Variants in CELF4 observed in about 807,000 individuals in gnomAD.
CELF4 encodes the protein CUGBP Elav-like family member 4.
A neutral mutation model predicts 59.9 loss-of-function variants in CELF4; 18 were observed. That is an observed-to-expected ratio of 0.30 (90% CI 0.21 to 0.45). The LOEUF (loss-of-function observed/expected upper bound fraction) is 0.45. Among genes scored for constraint, CELF4 ranks in the 20% least tolerant of loss-of-function variants. The pLI, the probability that CELF4 is intolerant of heterozygous loss-of-function variation, is 1.00. For missense variants in CELF4, 456 were observed against 689.0 expected, an observed-to-expected ratio of 0.66 and a Z score of 3.79; for synonymous variants, 261 against 267.1, an observed-to-expected ratio of 0.98 and a Z score of 0.22.
chr18:37,461,180 T>A (rs1051846337), intron 2 of CELF4, among the ~76,000 whole-genome samples: 19 of 152,196 alleles, frequency 1.2e-4, no homozygotes, highest in African/African-American at 4.3e-4. Flanking sequence ...CCCCATTGAG[T>A]CCTATGGGAG....
Position 37,406,445 on chromosome 18 carries a change from C to G in CELF4, c.369+79080G>C, listed in dbSNP as rs578085948. 2.0e-5 allele frequency among the ~76,000 whole-genome samples: 3 copies of G among 152,186 alleles called. No individual in the cohort carries two copies. The East Asian group carries it at 5.8e-4, about 29-fold the overall frequency. ...TCCCTATCCATCTGGTTTAGGCTGA[C>G]GGTCCTGCGCTATGGGCTTGCTGGA... is the stretch of plus-strand genomic sequence containing the variant. On this transcript the variant is annotated intron_variant, in intron 2 of 12. Coordinates refer to ENST00000420428, the MANE Select transcript of CELF4 (RefSeq NM_020180.4).
chr18:37,563,269 T>C (rs2099987129), intron 1 of CELF4, among the ~76,000 whole-genome samples: 1 of 152,090 alleles, frequency 6.6e-6, no homozygotes, highest in African/African-American at 2.4e-5. Context: ...TTATCTTCAT[T>C]TGAAATGAAG....
At chr18:37,258,312 C>T (rs541487611) in intron 11 of CELF4, among the ~76,000 whole-genome samples, 13 of 151,286 alleles carry the variant, frequency 8.6e-5, no homozygotes, top group South Asian at 8.5e-4. Flanking sequence ...CACACCCCCG[C>T]GCCTGGTCTC....
At chr18:37,267,126 A>T (rs2078053451) in intron 8 of CELF4, among the ~76,000 whole-genome samples, 2 of 152,202 alleles carry the variant, frequency 1.3e-5, no homozygotes. Flanking sequence ...CCAGGCATGG[A>T]GGTCTTCCAC....
At chr18:37,540,835 G>A (rs1262450252) in intron 1 of CELF4, among the ~76,000 whole-genome samples, 1 of 152,220 alleles carries the variant, frequency 6.6e-6, no homozygotes, top group African/African-American at 2.4e-5. Context: ...GTGAGATGGT[G>A]CAGGACAATT....
At chr18:37,510,012 G>A (rs946635540) in intron 1 of CELF4, among the ~76,000 whole-genome samples, 1 of 152,200 alleles carries the variant, frequency 6.6e-6, no homozygotes, top group African/African-American at 2.4e-5. Context: ...GAGGAGGTAG[G>A]AATGGGGTAT....
rs201203763 is a variant in CELF4 at position 37,553,198 on chromosome 18, TA to T, written c.286+12157del. Among the ~76,000 whole-genome samples, 298 of 152,130 alleles carry T rather than the reference TA, an allele frequency of 2.0e-3. 1 individual carries two copies. The East Asian group carries it at 0.031, about 16-fold the overall frequency. On this transcript the variant is annotated intron_variant, in intron 1 of 12. Coordinates refer to ENST00000420428, the MANE Select transcript of CELF4 (RefSeq NM_020180.4). Reference sequence around the variant, plus strand: ...TTTTTCAATAAAAAGATTTTTTTTTTAAAATTGGATAAGAAAATGAGCCTGA... The same window carrying T: ...TTTTTCAATAAAAAGATTTTTTTTTTAAATTGGATAAGAAAATGAGCCTGA...
chr18:37,430,195 T>A (rs2099639958), intron 2 of CELF4, among the ~76,000 whole-genome samples: 1 of 152,100 alleles, frequency 6.6e-6, no homozygotes, highest in African/African-American at 2.4e-5. Context: ...TCCTGCCCAG[T>A]CCCATGCCTC....
At chr18:37,416,028 GAAGGTGGCAAAACAGCA>G (rs904630995) in intron 2 of CELF4, among the ~76,000 whole-genome samples, 15 of 152,204 alleles carry the variant, frequency 9.9e-5, no homozygotes, top group African/African-American at 1.2e-4. Context: ...GTATCTTTCA[GAAGGTGGCAAAACAGCA>G]AAGGGTGGTG....
intron 2 of CELF4, among the ~76,000 whole-genome samples, chr18:37,340,202 A>C (rs610846): frequency 0.89 from 136,200 of 152,296 alleles, 61,105 homozygotes; most frequent in East Asian, 0.97. Flanking sequence ...GCAGCCAACA[A>C]CCAGGCTGGG....
chr18:37,365,737 T>G (rs541739183), intron 2 of CELF4, among the ~76,000 whole-genome samples: 2 of 152,152 alleles, frequency 1.3e-5, no homozygotes, highest in East Asian at 3.9e-4. Flanking sequence ...CCGCCCGCCT[T>G]GGCCTCCCAA....
At chr18:37,312,226 T>G (rs2096698563) in intron 3 of CELF4, among the ~76,000 whole-genome samples, 1 of 143,494 alleles carries the variant, frequency 7.0e-6, no homozygotes, top group Non-Finnish European at 1.5e-5. Context: ...TGGCTGGAAA[T>G]GCTAAAGCAA....
intron 2 of CELF4, among the ~76,000 whole-genome samples, chr18:37,367,985 G>A (rs2098808540): frequency 6.6e-6 from 1 of 152,054 alleles, no homozygotes; most frequent in African/African-American, 2.4e-5. Context: ...CTGAGAGGAG[G>A]CGGCATGGTG....
chr18:37,404,885 C>T lies in CELF4; in HGVS notation c.369+80640G>A, dbSNP rs964422639. Among the ~76,000 whole-genome samples the T allele has an allele frequency of 4.6e-5, 7 of 152,244 alleles. No homozygotes were observed. The East Asian group carries it at 1.2e-3, about 25-fold the overall frequency. Reference sequence around the variant, plus strand: ...GGGTTAAGCACTGCCCATCCCTTGTCGCATGCTTTTCCTTGCCTCAGCATT... The same window carrying T: ...GGGTTAAGCACTGCCCATCCCTTGTTGCATGCTTTTCCTTGCCTCAGCATT... On this transcript the variant is annotated intron_variant, in intron 2 of 12. Coordinates refer to ENST00000420428, the MANE Select transcript of CELF4 (RefSeq NM_020180.4).
At chr18:37,364,387 C>T (rs1401649923) in intron 2 of CELF4, among the ~76,000 whole-genome samples, 1 of 152,210 alleles carries the variant, frequency 6.6e-6, no homozygotes, top group Non-Finnish European at 1.5e-5. Context: ...GGCCCCATTC[C>T]CAGCCTGGGC....
In CELF4 at chr18:37,286,702, C is replaced by A. The variant is rs145746131; in HGVS notation, c.449-11459G>T. 2.9e-4 allele frequency among the ~76,000 whole-genome samples: 44 copies of A among 152,292 alleles called. 1 individual carries two copies. The East Asian group carries it at 8.3e-3, about 29-fold the overall frequency. ...CAGCATCCTCCTTACTTGTCTAACC[C>A]GGGAGGAGTCACACTGGAATGAAGA... On this transcript the variant is annotated intron_variant, in intron 3 of 12. Coordinates refer to ENST00000420428, the MANE Select transcript of CELF4 (RefSeq NM_020180.4).
At position 37,259,272 on chromosome 18, in the gene CELF4, G is replaced by T; in HGVS notation, c.1250-8C>A. 7.1e-7 allele frequency: 1 copy of T among 1,398,772 alleles called. No homozygotes were observed. Among genetic ancestry groups the T allele is most frequent in the Non-Finnish European group, 1.0e-6 (1 of 991,564 alleles). The allele number at this position is 1,398,772 out of a possible 1,614,324, so 86.6% of individuals were successfully genotyped here. On this transcript the variant is annotated splice_region_variant and splice_polypyrimidine_tract_variant and intron_variant, in intron 10 of 12. Transcript: ENST00000420428. ...GGTTACAGCCCTCGGGCCCTGCGGTGAGGGGAGGGGGTGGGCGGGGGAGGA... is the reference window on the plus strand; with the variant it reads ...GGTTACAGCCCTCGGGCCCTGCGGTTAGGGGAGGGGGTGGGCGGGGGAGGA...
At chr18:37,513,333 T>A (rs1340645253) in intron 1 of CELF4, among the ~76,000 whole-genome samples, 10 of 152,324 alleles carry the variant, frequency 6.6e-5, no homozygotes. Context: ...TCCATATCTG[T>A]CATCTGGGAG....
At chr18:37,295,761 C>A (rs1350282210) in intron 3 of CELF4, among the ~76,000 whole-genome samples, 1 of 152,224 alleles carries the variant, frequency 6.6e-6, no homozygotes, top group Non-Finnish European at 1.5e-5. Flanking sequence ...GAGTCTCCAA[C>A]ATACAGCATC....
Sources: allele counts gnomAD v4.1 joint callset (sites outside exome capture counted in the v4.1 genomes callset), GRCh38; gene constraint gnomAD v4.1.1; transcripts MANE v1.5; gene names NCBI Gene and HGNC (gene_info 2026-07-23, HGNC 2026-07-21).